CHD7: variants seen among roughly 807,000 people sequenced by gnomAD.
CHD7 encodes ATP-dependent chromatin remodeler CHD7.
In CHD7, 24 loss-of-function variants were observed where a neutral mutation model predicts 307.3. The ratio of observed to expected loss-of-function variants is 0.08; its 90% confidence interval spans 0.06 to 0.11. The LOEUF is 0.11. CHD7 is among the 10% of genes least tolerant of loss of function. The pLI is 1.00. For synonymous variants in CHD7, 1,363 were observed against 1,349.9 expected, an observed-to-expected ratio of 1.01 and a Z score of -0.21; for missense variants, 3,106 against 3,727.1, an observed-to-expected ratio of 0.83 and a Z score of 4.34.
Position 60,806,491 on chromosome 8 carries a change from G to A in CHD7, c.2443-1726G>A, listed in dbSNP as rs559860323. On this transcript the variant is annotated intron_variant, in intron 6 of 37. Transcript: ENST00000423902. ...ATTAATTCCATGTTCCATTTATGTT[G>A]CTGGTTCTTGAAGCCATCCAACAAA... Among the ~76,000 whole-genome samples, 52 of 152,324 alleles carry A rather than the reference G, an allele frequency of 3.4e-4. 2 individuals carry two copies. The highest frequency in any genetic ancestry group is 3.1e-3 in the South Asian group (15 of 4,826).
intron 9 of CHD7, among the ~76,000 whole-genome samples, chr8:60,821,101 T>A (rs1334653511): frequency 6.6e-6 from 1 of 152,230 alleles, no homozygotes; most frequent in Non-Finnish European, 1.5e-5. Flanking sequence ...ACAGTATCAC[T>A]CTTTTTAAGG....
chr8:60,821,276 T>C (rs887011532), intron 9 of CHD7, among the ~76,000 whole-genome samples: 3 of 152,204 alleles, frequency 2.0e-5, no homozygotes, highest in African/African-American at 7.2e-5. Context: ...TCAGCTTTGC[T>C]ATTTGCTAGC....
intron 13 of CHD7, among the ~76,000 whole-genome samples, chr8:60,826,298 T>C (rs1356156090): frequency 2.0e-5 from 3 of 152,216 alleles, no homozygotes; most frequent in African/African-American, 2.4e-5. Flanking sequence ...GAACAAAATA[T>C]TTATTTTTCT....
chr8:60,852,168 C>T lies in CHD7; in HGVS notation c.5815C>T (p.Arg1939Trp), dbSNP rs992024213. Residue 1939 changes from arginine (R) to tryptophan (W), a missense_variant, in exon 29 of 38, where the codon CGG (arginine) becomes TGG (tryptophan). Transcript: ENST00000423902. ...MRQEALMKTDRRRRRPREEVR... is the reference protein window; with the variant it reads ...MRQEALMKTDWRRRRPREEVR... The stretch of plus-strand genomic sequence containing the variant: ...GCAAGAGGCCCTAATGAAGACTGAC[C>T]GGCGCAGACGGCGGCCTCGAGAGGA... 4.3e-6 allele frequency: 7 copies of T among 1,613,702 alleles called. No individual in the cohort carries two copies. In the East Asian group the frequency reaches 1.1e-4, roughly 26 times the overall value.
At chr8:60,764,220 A>G (rs1385998759) in intron 2 of CHD7, among the ~76,000 whole-genome samples, 1 of 151,848 alleles carries the variant, frequency 6.6e-6, no homozygotes, top group Non-Finnish European at 1.5e-5. Flanking sequence ...CAATCTCCTG[A>G]CCTCGTGATC....
intron 2 of CHD7, among the ~76,000 whole-genome samples, chr8:60,758,697 A>T (rs1810015716): frequency 6.6e-6 from 1 of 152,132 alleles, no homozygotes; most frequent in Non-Finnish European, 1.5e-5. Context: ...AATATTCCTT[A>T]AAAAAACAAA....
chr8:60,726,014 A>G (rs1230534684), intron 1 of CHD7, among the ~76,000 whole-genome samples: 1 of 152,244 alleles, frequency 6.6e-6, no homozygotes, highest in East Asian at 1.9e-4. Flanking sequence ...GAAGTACACA[A>G]GTTTACTACC....
Position 60,742,824 on chromosome 8 carries a change from G to T in CHD7, c.1392G>T (p.Met464Ile), listed in dbSNP as rs780392912. The change falls in exon 2 of 38, where the codon ATG becomes ATT. Residue 464 changes from methionine to isoleucine, a missense_variant. Met to Ile is a conservative substitution (Grantham distance 10). Transcript: ENST00000423902. ...AGCAGTCTCGTCCATTTATAGGCAT[G>T]TCCTCGGCACCAAGGGAATTGACTG... is the stretch of plus-strand genomic sequence containing the variant. The part of the protein sequence containing the change: ...NMQQSRPFIG[M>I]SSAPRELTGH... The T allele has an allele frequency of 4.3e-6, 7 of 1,613,766 alleles. No individual in the cohort carries two copies. The highest frequency in any genetic ancestry group is 5.9e-6 in the Non-Finnish European group (7 of 1,179,748).
chr8:60,793,888 C>T (rs143072402), intron 3 of CHD7, among the ~76,000 whole-genome samples: 68 of 152,102 alleles, frequency 4.5e-4, no homozygotes, highest in African/African-American at 1.5e-3. Flanking sequence ...TTTGGGAGGC[C>T]GAGGCAGGTG....
At chr8:60,696,425 A>G (rs1806470329) in intron 1 of CHD7, among the ~76,000 whole-genome samples, 8 of 152,220 alleles carry the variant, frequency 5.3e-5, no homozygotes, top group Admixed American at 5.2e-4. Flanking sequence ...GTGACTTACT[A>G]ACTCCATGAC....
rs559053565 is a variant in CHD7 at position 60,862,610 on chromosome 8, A to G, written c.8034A>G (p.Glu2678=). 31 of 1,574,638 alleles carry G rather than the reference A, an allele frequency of 2.0e-5. No homozygotes were observed. The African/African-American group carries it at 3.2e-4, about 16-fold the overall frequency. ...DLPRWLEENP[E]FAVAPDWTDI... ...CCAGGTGGCTGGAAGAAAATCCTGA[A>G]TTTGCAGTTGCTCCAGACTGGACTG... Residue 2678 remains glutamate, a synonymous_variant, in exon 37 of 38, where the codon GAA becomes GAG. Coordinates refer to ENST00000423902, the MANE Select transcript of CHD7 (RefSeq NM_017780.4).
rs992977488 is a variant in CHD7, at chr8:60,809,689, A to G, written c.2498+1417A>G. ...TTTTGAAAAAAAAAAAAAAAAAAAA[A>G]AAAAAGAAAAAAAAGGTTTTCTGAC... On this transcript the variant is annotated intron_variant, in intron 7 of 37. Transcript: ENST00000423902. 239 of 150,492 alleles carry G rather than the reference A, an allele frequency of 1.6e-3. 2 individuals are homozygous for G. The East Asian group carries it at 0.025, about 15-fold the overall frequency. 9.3% of individuals were successfully genotyped at this position (150,492 alleles called of 1,614,324 possible). A position where few individuals can be genotyped will look rare whatever the true frequency, so the allele number is the denominator to read the frequency against.
At chr8:60,782,767 T>G in intron 3 of CHD7, among the ~76,000 whole-genome samples, 1 of 152,194 alleles carries the variant, frequency 6.6e-6, no homozygotes. Flanking sequence ...TAAGTGCTTA[T>G]TATTTGCAGG....
rs71757003 is a variant in CHD7, at chr8:60,818,584, AT to A, written c.2614-1414del. On this transcript the variant is annotated intron_variant, in intron 8 of 37. Transcript: ENST00000423902. ...TTATATTAATTGAACATTTCAATGG[AT>A]TTTTTTTTGCCTTACTAATCTACCT... Among the ~76,000 whole-genome samples, 524 of 151,550 alleles carry A rather than the reference AT, an allele frequency of 3.5e-3. 5 individuals carry two copies. Among genetic ancestry groups the A allele is most frequent in the African/African-American group, 0.012 (497 of 41,294 alleles).
intron 2 of CHD7, among the ~76,000 whole-genome samples, chr8:60,767,684 T>A (rs920279722): frequency 2.6e-5 from 4 of 152,226 alleles, no homozygotes; most frequent in Admixed American, 2.6e-4. Context: ...CCAGCAGCTC[T>A]GTGCGGGACT....
At chr8:60,777,376 C>A (rs1404848247) in intron 2 of CHD7, among the ~76,000 whole-genome samples, 1 of 152,180 alleles carries the variant, frequency 6.6e-6, no homozygotes, top group African/African-American at 2.4e-5. Context: ...AAATTGCTAA[C>A]AGGCTGAGGC....
rs777215250 is a variant in CHD7 at position 60,856,764 on chromosome 8, G to A, written c.7484G>A (p.Arg2495Lys). 1.2e-6 allele frequency: 2 copies of A among 1,613,992 alleles called. No homozygotes were observed. The highest frequency in any genetic ancestry group is 1.1e-5 in the South Asian group (1 of 91,088). Residue 2495 changes from arginine to lysine, a missense_variant, in exon 34 of 38, where the codon AGG (arginine) becomes AAG (lysine). By Grantham distance (26) the Arg-to-Lys change is conservative. This residue lies in a region of CHD7 where 1,030 missense variants were observed against 1,165.4 expected (regional missense o/e 0.88). Transcript: ENST00000423902. Reference protein sequence around the residue: ...LQAGLSRTPTRHLLNGSLVDG... With the variant: ...LQAGLSRTPTKHLLNGSLVDG... ...GCAGGCCTTTCGCGCACACCCACAA[G>A]GCATCTCCTTAATGGCTCCCTAGTG...
In CHD7 at chr8:60,737,094, T is replaced by C. The variant is rs577019474; in HGVS notation, c.-174-4165T>C. ...ATTTTCAGTGACATTTCTTTCATCT[T>C]GGTTTCTTGCGCACCCGTTGCTTTT... is the stretch of plus-strand genomic sequence containing the variant. On this transcript the variant is annotated intron_variant, in intron 1 of 37. Transcript: ENST00000423902. 2.0e-5 allele frequency among the ~76,000 whole-genome samples: 3 copies of C among 152,282 alleles called. No homozygotes were observed. In the East Asian group the frequency reaches 5.8e-4, roughly 29 times the overall value.
chr8:60,761,711 T>G (rs1810217707), intron 2 of CHD7, among the ~76,000 whole-genome samples: 1 of 152,048 alleles, frequency 6.6e-6, no homozygotes, highest in Admixed American at 6.6e-5. Context: ...CCATAATCCA[T>G]GTATTTTCTA....
Sources: allele counts gnomAD v4.1 joint callset (sites outside exome capture counted in the v4.1 genomes callset), GRCh38; gene constraint gnomAD v4.1.1; regional missense constraint gnomAD v4.1.1; transcripts MANE v1.5; gene names NCBI Gene and HGNC (gene_info 2026-07-23, HGNC 2026-07-21).